The following PEBP4 variants were observed in gnomAD, a reference collection of about 807,000 sequenced individuals.
PEBP4 encodes the protein phosphatidylethanolamine-binding protein 4.
Under a neutral mutation model 23.9 loss-of-function variants are expected in PEBP4, and 22 were observed. The observed-to-expected ratio is 0.92, with a 90% confidence interval of 0.66 to 1.31. The LOEUF (loss-of-function observed/expected upper bound fraction) is 1.31, where lower values mean the gene tolerates loss of function less well. Among genes scored for constraint, PEBP4 ranks in the 40% most tolerant of loss-of-function variants. PEBP4 has a pLI of 0.00. For synonymous variants in PEBP4, 112 were observed against 99.3 expected, an observed-to-expected ratio of 1.13 and a Z score of -0.76; for missense variants, 324 against 281.7, an observed-to-expected ratio of 1.15 and a Z score of -1.07.
intron 3 of PEBP4, among the ~76,000 whole-genome samples, chr8:22,841,965 G>C (rs967191971): frequency 6.6e-6 from 1 of 152,234 alleles, no homozygotes; most frequent in African/African-American, 2.4e-5. Context: ...TAAGAAACGG[G>C]CAAGAGAGAG....
intron 3 of PEBP4, among the ~76,000 whole-genome samples, chr8:22,837,339 C>T (rs188741610): frequency 5.3e-5 from 8 of 152,264 alleles, no homozygotes; most frequent in African/African-American, 1.9e-4. Flanking sequence ...AAAATCAGGC[C>T]GTGACTTGTA....
intron 3 of PEBP4, among the ~76,000 whole-genome samples, chr8:22,913,159 T>G (rs927637716): frequency 6.6e-6 from 1 of 152,210 alleles, no homozygotes; most frequent in African/African-American, 2.4e-5. Context: ...TGGCATCTCA[T>G]GAATTCTTCC....
intron 3 of PEBP4, among the ~76,000 whole-genome samples, chr8:22,913,293 T>G (rs1028846695): frequency 6.6e-6 from 1 of 152,158 alleles, no homozygotes; most frequent in Non-Finnish European, 1.5e-5. Context: ...TTCCCCAGCC[T>G]GGCCCCATGC....
chr8:22,828,413 A>G (rs963126123), intron 3 of PEBP4, among the ~76,000 whole-genome samples: 29 of 151,980 alleles, frequency 1.9e-4, no homozygotes, highest in African/African-American at 6.5e-4. Flanking sequence ...TTCCTCCTCT[A>G]TCTCTAAACC....
intron 5 of PEBP4, among the ~76,000 whole-genome samples, chr8:22,726,844 G>A (rs1804630672): frequency 6.6e-6 from 1 of 151,126 alleles, no homozygotes. Flanking sequence ...CTGGGGCAGG[G>A]ATCTGAGAGA....
chr8:22,843,396 C>T (rs1297080591), intron 3 of PEBP4, among the ~76,000 whole-genome samples: 2 of 152,208 alleles, frequency 1.3e-5, no homozygotes, highest in Non-Finnish European at 2.9e-5. Context: ...GCAGCTGGAT[C>T]CAAATGATAC....
At chr8:22,808,617 C>G (rs1012445204) in intron 4 of PEBP4, among the ~76,000 whole-genome samples, 1 of 152,184 alleles carries the variant, frequency 6.6e-6, no homozygotes, top group Non-Finnish European at 1.5e-5. Flanking sequence ...AGCCTTTCGG[C>G]AGAGGTGACA....
At chr8:22,817,151 G>A (rs199716395) in intron 4 of PEBP4, among the ~76,000 whole-genome samples, 1 of 152,210 alleles carries the variant, frequency 6.6e-6, no homozygotes, top group South Asian at 2.1e-4. Context: ...AGAAAAGGAA[G>A]TTGCTGTGCC....
chr8:22,717,946 C>G (rs187548351), intron 6 of PEBP4, among the ~76,000 whole-genome samples: 1 of 152,104 alleles, frequency 6.6e-6, no homozygotes, highest in East Asian at 1.9e-4. Flanking sequence ...AATGATGTCC[C>G]GGCGGTGGTA....
At chr8:22,891,704 T>C (rs964995942) in intron 3 of PEBP4, among the ~76,000 whole-genome samples, 1 of 152,192 alleles carries the variant, frequency 6.6e-6, no homozygotes, top group Non-Finnish European at 1.5e-5. Context: ...GGAATGGAGC[T>C]GGGATTATAA....
At chr8:22,764,340 C>G (rs139033615) in intron 4 of PEBP4, among the ~76,000 whole-genome samples, 1 of 152,276 alleles carries the variant, frequency 6.6e-6, no homozygotes, top group African/African-American at 2.4e-5. Flanking sequence ...CCTCCAGGGT[C>G]TCTCTTCAAG....
intron 3 of PEBP4, among the ~76,000 whole-genome samples, chr8:22,823,470 G>T (rs1282947227): frequency 6.6e-6 from 1 of 151,740 alleles, no homozygotes; most frequent in East Asian, 1.9e-4. Flanking sequence ...AAATATACTA[G>T]TATGTGAAAT....
chr8:22,914,980 T>A (rs1476555485), intron 3 of PEBP4, among the ~76,000 whole-genome samples: 1 of 152,180 alleles, frequency 6.6e-6, no homozygotes, highest in Non-Finnish European at 1.5e-5. Context: ...AAAAGGGTCC[T>A]GTCTTAGATG....
At chr8:22,837,843 G>A (rs1280732575) in intron 3 of PEBP4, among the ~76,000 whole-genome samples, 1 of 148,804 alleles carries the variant, frequency 6.7e-6, no homozygotes, top group African/African-American at 2.5e-5. Flanking sequence ...CTATGTATTT[G>A]GTTCTGTGTG....
intron 4 of PEBP4, among the ~76,000 whole-genome samples, chr8:22,767,459 C>T (rs1279696535): frequency 6.6e-6 from 1 of 152,204 alleles, no homozygotes. Context: ...CGTGATTTCT[C>T]GAGCGGGAAA....
chr8:22,924,730 G>A (rs1809286907), intron 2 of PEBP4: 1 of 985,356 alleles, frequency 1.0e-6, no homozygotes, highest in Non-Finnish European at 1.2e-6. Flanking sequence ...TTTTTTGAGT[G>A]GATTCACCTC....
chr8:22,717,379 C>T (rs1405660624), intron 6 of PEBP4, among the ~76,000 whole-genome samples: 2 of 152,228 alleles, frequency 1.3e-5, no homozygotes, highest in South Asian at 2.1e-4. Flanking sequence ...GACAGCAGTT[C>T]CTGGGTGACC....
chr8:22,782,821 T>G (rs367648643), intron 4 of PEBP4, among the ~76,000 whole-genome samples: 11 of 152,130 alleles, frequency 7.2e-5, no homozygotes, highest in African/African-American at 2.7e-4. Context: ...ATCCTGAGAG[T>G]GACAGCCCAC....
intron 6 of PEBP4, among the ~76,000 whole-genome samples, chr8:22,714,036 C>T (rs145702214): frequency 2.8e-4 from 42 of 152,344 alleles, no homozygotes; most frequent in African/African-American, 9.6e-4. Context: ...AATCTTCTCC[C>T]CTAAACCCCA....
Sources: allele counts gnomAD v4.1 joint callset (sites outside exome capture counted in the v4.1 genomes callset), GRCh38; gene constraint gnomAD v4.1.1; transcripts MANE v1.5; gene names NCBI Gene and HGNC (gene_info 2026-07-23, HGNC 2026-07-21).